Variants in SLC33A1 observed in about 807,000 individuals in gnomAD.
SLC33A1 encodes solute carrier family 33 member 1.
A neutral mutation model predicts 50.0 loss-of-function variants in SLC33A1; 20 were observed. That is an observed-to-expected ratio of 0.40 (90% CI 0.28 to 0.58). SLC33A1 has a LOEUF of 0.58. Ranked by LOEUF, SLC33A1 falls within the 20% of genes least tolerant of loss-of-function variation. The pLI is 0.44. For missense variants in SLC33A1, 476 were observed against 657.0 expected (o/e 0.72, Z 3.01); for synonymous variants, 265 against 251.8 (o/e 1.05, Z -0.50).
At chr3:155,848,861 T>C (rs1392296660) in intron 1 of SLC33A1, among the ~76,000 whole-genome samples, 1 of 152,178 alleles carries the variant, frequency 6.6e-6, no homozygotes, top group East Asian at 1.9e-4. Context: ...CCATCTCCAT[T>C]TATCTGTAAC....
In SLC33A1 at chr3:155,829,845, G is replaced by A; in HGVS notation, c.1325C>T (p.Pro442Leu). The change falls in exon 5 of 6, where the codon CCA (proline) becomes CTA (leucine). Residue 442 changes from proline (P) to leucine (L), a missense_variant. Pro to Leu is a moderately conservative substitution (Grantham distance 98). Transcript: ENST00000643144. Reference protein sequence around the residue: ...IMAFNAKVSDPLIGGTYMTLL... With the variant: ...IMAFNAKVSDLLIGGTYMTLL... ...GGTCATGTATGTTCCTCCAATAAGT[G>A]GATCACTAACCTTTGCATTGAAAGC... 6.2e-7 allele frequency: 1 copy of A among 1,613,636 alleles called. No homozygotes were observed. Among genetic ancestry groups the A allele is most frequent in the Non-Finnish European group, 8.5e-7 (1 of 1,179,694 alleles).
At chr3:155,831,692 T>C (rs1000740724) in intron 4 of SLC33A1, among the ~76,000 whole-genome samples, 7 of 152,020 alleles carry the variant, frequency 4.6e-5, no homozygotes, top group African/African-American at 1.2e-4. Flanking sequence ...CCGACAGAAA[T>C]ACTGAAGCAT....
chr3:155,847,428 T>G (rs938956437), intron 1 of SLC33A1, among the ~76,000 whole-genome samples: 2 of 151,830 alleles, frequency 1.3e-5, no homozygotes, highest in Non-Finnish European at 2.9e-5. Context: ...AGGTAGGAAT[T>G]AATAGTCCTG....
intron 3 of SLC33A1, 45 bp from the exon 4 acceptor site, chr3:155,833,630 TAAC>T (rs764594877): frequency 9.3e-6 from 11 of 1,182,172 alleles, no homozygotes; most frequent in Admixed American, 5.0e-5. Flanking sequence ...TTAGCTTAAA[TAAC>T]AACAACAACA....
At chr3:155,851,714 G>T (rs558529808) in intron 1 of SLC33A1, among the ~76,000 whole-genome samples, 1 of 152,084 alleles carries the variant, frequency 6.6e-6, no homozygotes, top group East Asian at 1.9e-4. Context: ...CACTGTGCCC[G>T]GCCAGCAGTG....
intron 2 of SLC33A1, among the ~76,000 whole-genome samples, chr3:155,842,119 G>A (rs1339408082): frequency 6.6e-6 from 1 of 152,104 alleles, no homozygotes; most frequent in East Asian, 1.9e-4. Context: ...CTCATTATAA[G>A]AAGACAGAGC....
rs2109296391 is a variant in SLC33A1, at chr3:155,822,375, C to T, written c.*5835G>A. ...GGCCGAGGCAGGCAGATCACGAGGT[C>T]AGGAGTTTGAGACCAGCCTGACCAA... On this transcript the variant is annotated 3_prime_UTR_variant, in exon 6 of 6. Coordinates refer to ENST00000643144, the MANE Select transcript of SLC33A1 (RefSeq NM_004733.4). 1 of 152,050 alleles carries T rather than the reference C, an allele frequency of 6.6e-6. No individual in the cohort carries two copies. Among genetic ancestry groups the T allele is most frequent in the South Asian group, 2.1e-4 (1 of 4,806 alleles). 9.4% of individuals were successfully genotyped at this position (152,050 alleles called of 1,614,324 possible). A position where few individuals can be genotyped will look rare whatever the true frequency, so the allele number is the denominator to read the frequency against.
rs767949889 is a variant in SLC33A1 at position 155,828,218 on chromosome 3, T to C, written c.1642A>G (p.Asn548Asp). 176 of 1,611,864 alleles carry C rather than the reference T, an allele frequency of 1.1e-4. 1 individual carries two copies. The highest frequency in any genetic ancestry group is 1.3e-4 in the Non-Finnish European group (152 of 1,178,124). ...GTCCAGTAGCATATATATTAATTGT[T>C]CCTTTTGCATTTCCACGAAGATGAT... ...EGSSSWKCKR[N>D]N Residue 548 changes from asparagine (N) to aspartate (D), a missense_variant, in exon 6 of 6, where the codon AAC becomes GAC. By Grantham distance (23) the Asn-to-Asp change is conservative (BLOSUM62 1). Coordinates refer to ENST00000643144, the MANE Select transcript of SLC33A1 (RefSeq NM_004733.4).
chr3:155,826,107 C>G lies in SLC33A1; in HGVS notation c.*2103G>C, dbSNP rs1362063525. 6.6e-6 allele frequency: 1 copy of G among 152,136 alleles called. No individual in the cohort carries two copies. Among genetic ancestry groups the G allele is most frequent in the East Asian group, 1.9e-4 (1 of 5,196 alleles). 9.4% of individuals were successfully genotyped at this position (152,136 alleles called of 1,614,324 possible). A position where few individuals can be genotyped will look rare whatever the true frequency, so the allele number is the denominator to read the frequency against. ...CTGACATTAAAACTATGTTTGAAGGCTGGGCGCAGTGGCTCATGCCTGTAA... is the reference window on the plus strand; with the variant it reads ...CTGACATTAAAACTATGTTTGAAGGGTGGGCGCAGTGGCTCATGCCTGTAA... On this transcript the variant is annotated 3_prime_UTR_variant, in exon 6 of 6. Coordinates refer to ENST00000643144, the MANE Select transcript of SLC33A1 (RefSeq NM_004733.4).
intron 5 of SLC33A1, 50 bp from the exon 6 acceptor site, chr3:155,828,427 AT>A: frequency 9.2e-7 from 1 of 1,085,378 alleles, no homozygotes; most frequent in African/African-American, 1.6e-5. Context: ...AAATGAAAGT[AT>A]TTAGCAATTA....
At chr3:155,850,317 T>G (rs1753348813) in intron 1 of SLC33A1, among the ~76,000 whole-genome samples, 1 of 152,006 alleles carries the variant, frequency 6.6e-6, no homozygotes, top group East Asian at 1.9e-4. Context: ...AGTTTGTTGC[T>G]TTTTATGTGT....
In SLC33A1 at chr3:155,846,434, T is replaced by C. The variant is rs1473740564; in HGVS notation, c.776-3815A>G. Among the ~76,000 whole-genome samples, 3 of 151,048 alleles carry C rather than the reference T, an allele frequency of 2.0e-5. No homozygotes were observed. The East Asian group carries it at 5.8e-4, about 29-fold the overall frequency. On this transcript the variant is annotated intron_variant, in intron 1 of 5. Coordinates refer to ENST00000643144, the MANE Select transcript of SLC33A1 (RefSeq NM_004733.4). ...AGCTCCAACCATGAGGTCTGGAACA[T>C]AGATATTTTCCCACACTTCCTTTTT...
At chr3:155,844,425 G>GTATATATATATA (rs869082007) in intron 1 of SLC33A1, among the ~76,000 whole-genome samples, 13 of 33,622 alleles carry the variant, frequency 3.9e-4, no homozygotes, top group African/African-American at 1.6e-3. Context: ...CTACATAAAG[G>GTATATATATATA]TATATATATA....
At chr3:155,845,559 G>T (rs1399162495) in intron 1 of SLC33A1, among the ~76,000 whole-genome samples, 2 of 152,076 alleles carry the variant, frequency 1.3e-5, no homozygotes, top group African/African-American at 4.8e-5. Context: ...AGTGACAATG[G>T]GTCAGTCACA....
intron 1 of SLC33A1, among the ~76,000 whole-genome samples, chr3:155,844,551 C>T (rs1294731199): frequency 6.9e-6 from 1 of 144,876 alleles, no homozygotes; most frequent in African/African-American, 2.6e-5. Context: ...CTGCAACCTC[C>T]ACCTCTCGGG....
At chr3:155,846,710 C>CCCA (rs1041894372) in intron 1 of SLC33A1, among the ~76,000 whole-genome samples, 3 of 151,632 alleles carry the variant, frequency 2.0e-5, no homozygotes, top group Non-Finnish European at 4.4e-5. Context: ...ACCTCGGCCT[C>CCCA]CCAAAGTGCT....
At chr3:155,846,064 T>C (rs1753159416) in intron 1 of SLC33A1, among the ~76,000 whole-genome samples, 1 of 152,192 alleles carries the variant, frequency 6.6e-6, no homozygotes, top group African/African-American at 2.4e-5. Flanking sequence ...TCTTGTCCAG[T>C]GCTTTCACGA....
At chr3:155,834,529 G>A (rs769974411) in intron 2 of SLC33A1, among the ~76,000 whole-genome samples, 16 of 152,010 alleles carry the variant, frequency 1.1e-4, no homozygotes, top group Admixed American at 8.5e-4. Flanking sequence ...CTGGGAAAAC[G>A]TATCTGAGAG....
intron 4 of SLC33A1, among the ~76,000 whole-genome samples, chr3:155,830,200 GA>G (rs1461854187): frequency 7.4e-6 from 1 of 135,584 alleles, no homozygotes; most frequent in African/African-American, 2.8e-5. Context: ...TGTCTCTACT[GA>G]AAAATACAAA....
Sources: gnomAD v4.1 joint callset for allele counts (sites outside exome capture counted in the v4.1 genomes callset) on GRCh38, gnomAD v4.1.1 for gene constraint, MANE v1.5 for transcripts, NCBI Gene and HGNC (gene_info 2026-07-23, HGNC 2026-07-21) for gene names.